The following SHANK2 variants were observed in gnomAD, a reference collection of about 807,000 sequenced individuals.
The protein encoded by SHANK2 is SH3 and multiple ankyrin repeat domains 2.
SHANK2 carries 43 observed loss-of-function variants against 133.7 expected under a neutral mutation model. That is an observed-to-expected ratio of 0.32 (90% CI 0.25 to 0.41). The LOEUF is 0.41. SHANK2 is among the 10% of genes least tolerant of loss of function. The pLI, the probability that SHANK2 is intolerant of heterozygous loss-of-function variation, is 1.00. For missense variants in SHANK2, 1,994 were observed against 2,235.8 expected (o/e 0.89, Z 2.18); for synonymous variants, 1,017 against 952.8 (o/e 1.07, Z -1.24).
intron 17 of SHANK2, among the ~76,000 whole-genome samples, chr11:70,568,645 T>TCCCCCCCC (rs1565137385): frequency 6.2e-5 from 3 of 48,370 alleles, no homozygotes; most frequent in African/African-American, 1.2e-4. Flanking sequence ...AGCGGATTCC[T>TCCCCCCCC]GCCCCCCCCG....
At chr11:70,917,762 C>T (rs1302219166) in intron 10 of SHANK2, among the ~76,000 whole-genome samples, 1 of 152,086 alleles carries the variant, frequency 6.6e-6, no homozygotes, top group Non-Finnish European at 1.5e-5. Context: ...AAACAGGAAA[C>T]CAAATACAGC....
At chr11:70,837,975 CAAAAAAAAAAAAA>C (rs55862093) in intron 11 of SHANK2, among the ~76,000 whole-genome samples, 5 of 25,178 alleles carry the variant, frequency 2.0e-4, no homozygotes, top group African/African-American at 6.3e-4. Context: ...CATTCTGTCT[CAAAAAAAAAAAAA>C]AAAAAAAAAA....
chr11:70,518,410 C>T (rs190583784), intron 17 of SHANK2, among the ~76,000 whole-genome samples: 4 of 152,334 alleles, frequency 2.6e-5, no homozygotes, highest in East Asian at 1.9e-4. Flanking sequence ...GCCTAAAAAG[C>T]GACTGCATTC....
chr11:70,605,190 C>T (rs1276722426), intron 17 of SHANK2, among the ~76,000 whole-genome samples: 2 of 152,200 alleles, frequency 1.3e-5, no homozygotes, highest in Non-Finnish European at 2.9e-5. Flanking sequence ...CCCTGTCATG[C>T]CAAATCTTAA....
chr11:71,089,087 GC>G (rs1951460215), intron 8 of SHANK2, among the ~76,000 whole-genome samples: 1 of 152,190 alleles, frequency 6.6e-6, no homozygotes, highest in African/African-American at 2.4e-5. Context: ...TAAAAACCAA[GC>G]TCATTAGCGC....
At chr11:70,666,451 G>C (rs1166812890) in intron 15 of SHANK2, among the ~76,000 whole-genome samples, 1 of 152,146 alleles carries the variant, frequency 6.6e-6, no homozygotes, top group Non-Finnish European at 1.5e-5. Context: ...ACCCTCAGAG[G>C]CTCCTTCTGC....
Position 71,140,141 on chromosome 11 carries a change from C to A in SHANK2, c.207+6979G>T, listed in dbSNP as rs148690242. ...ATTTCTCACACGGGAACAATGTCTG[C>A]TTTGTTGCTGAGAGCTCACACCCGG... On this transcript the variant is annotated intron_variant, in intron 3 of 25. Coordinates refer to ENST00000601538, the MANE Select transcript of SHANK2 (RefSeq NM_012309.5). Among the ~76,000 whole-genome samples, 4 of 152,318 alleles carry A rather than the reference C, an allele frequency of 2.6e-5. No individual in the cohort carries two copies. The East Asian group carries it at 7.7e-4, about 29-fold the overall frequency.
At chr11:71,081,330 A>C (rs1186986442) in intron 8 of SHANK2, among the ~76,000 whole-genome samples, 5 of 152,184 alleles carry the variant, frequency 3.3e-5, no homozygotes, top group African/African-American at 9.7e-5. Flanking sequence ...AAACACAATC[A>C]CTTTGGGTCT....
chr11:70,500,532 T>C lies in SHANK2; in HGVS notation c.2308+38A>G. 6.3e-7 allele frequency: 1 copy of C among 1,593,194 alleles called. No individual in the cohort carries two copies. Among genetic ancestry groups the C allele is most frequent in the South Asian group, 1.1e-5 (1 of 87,336 alleles). On this transcript the variant is annotated intron_variant, in intron 21 of 25. Coordinates refer to ENST00000601538, the MANE Select transcript of SHANK2 (RefSeq NM_012309.5). This position sits in a 1 kb window ranked among gnomAD's most constrained non-coding sequence, Gnocchi z 4.5. ...ATGTTTCTGTTCCACAGGGGGGTGA[T>C]GGGCAGGGGGCTGAGACAGACACTG...
intron 4 of SHANK2, among the ~76,000 whole-genome samples, chr11:71,115,798 A>G (rs1951967532): frequency 6.6e-6 from 1 of 152,172 alleles, no homozygotes; most frequent in Non-Finnish European, 1.5e-5. Context: ...GGAAATGATC[A>G]GCCCCTGAAA....
At chr11:70,528,512 C>A (rs1467150454) in intron 17 of SHANK2, among the ~76,000 whole-genome samples, 1 of 152,104 alleles carries the variant, frequency 6.6e-6, no homozygotes, top group Non-Finnish European at 1.5e-5. Context: ...GCGCAGTGTT[C>A]AAGTTGCCCA....
rs545160612 is a variant in SHANK2 at position 71,173,495 on chromosome 11, C to T, written c.-12-26157G>A. 2.5e-4 allele frequency among the ~76,000 whole-genome samples: 38 copies of T among 152,310 alleles called. 1 individual carries two copies. The highest frequency in any genetic ancestry group is 3.4e-3 in the Middle Eastern group (1 of 294). ...ACACAAAGCTAATACTGTTTTGAAC[C>T]CTCTTCTTTGATGAACCAGGCGAAT... On this transcript the variant is annotated intron_variant, in intron 2 of 25. Coordinates refer to ENST00000601538, the MANE Select transcript of SHANK2 (RefSeq NM_012309.5).
intron 16 of SHANK2, 149 bp from the exon 17 acceptor site, chr11:70,660,101 G>T (rs525304): frequency 0.45 from 409,672 of 909,694 alleles, 97,983 homozygotes; most frequent in Non-Finnish European, 0.51. Context: ...CCCCAGGAAG[G>T]GCTTGAGATT....
At position 71,238,736 on chromosome 11, in the gene SHANK2, T is replaced by C. The variant is rs528685384; in HGVS notation, c.-113+13689A>G. 2.6e-4 allele frequency among the ~76,000 whole-genome samples: 40 copies of C among 152,360 alleles called. No individual in the cohort carries two copies. The East Asian group carries it at 7.5e-3, about 29-fold the overall frequency. ...AACTCTGCTGGGCAAATGCACTGTC[T>C]GTGGCCAGAGCTTGCTCGAGTCAAT... On this transcript the variant is annotated intron_variant, in intron 1 of 25. Coordinates refer to ENST00000601538, the MANE Select transcript of SHANK2 (RefSeq NM_012309.5).
At chr11:71,164,749 C>T (rs1207908100) in intron 2 of SHANK2, among the ~76,000 whole-genome samples, 27 of 152,276 alleles carry the variant, frequency 1.8e-4, no homozygotes, top group Middle Eastern at 3.4e-3. Context: ...TAAGAACTCT[C>T]GACAGCTTTC....
chr11:70,832,335 C>T (rs3017499), intron 11 of SHANK2, among the ~76,000 whole-genome samples: 99,010 of 152,128 alleles, frequency 0.65, 32,768 homozygotes, highest in South Asian at 0.81. Context: ...TGGTCTATTG[C>T]TCACGATGCA....
At chr11:70,580,581 C>G (rs570354557) in intron 17 of SHANK2, among the ~76,000 whole-genome samples, 25 of 152,306 alleles carry the variant, frequency 1.6e-4, no homozygotes, top group African/African-American at 6.0e-4. Flanking sequence ...CCTGGTGGCA[C>G]CCACGGGGGC....
intron 17 of SHANK2, among the ~76,000 whole-genome samples, chr11:70,649,776 G>GTGTGT (rs2061317757): frequency 6.6e-6 from 1 of 152,220 alleles, no homozygotes; most frequent in South Asian, 2.1e-4. Flanking sequence ...GCCTGGGGCT[G>GTGTGT]GGTGTACAGC....
intron 14 of SHANK2, among the ~76,000 whole-genome samples, chr11:70,725,978 G>A (rs1946173037): frequency 6.6e-6 from 1 of 152,342 alleles, no homozygotes; most frequent in African/African-American, 2.4e-5. Context: ...GGATGCCCAG[G>A]AGGGTATGCG....
Sources: allele counts gnomAD v4.1 joint callset (sites outside exome capture counted in the v4.1 genomes callset), GRCh38; gene constraint gnomAD v4.1.1; non-coding constraint Gnocchi (gnomAD v3.1); transcripts MANE v1.5; gene names NCBI Gene and HGNC (gene_info 2026-07-23, HGNC 2026-07-21).